Variants in SPDYE3 observed in about 807,000 individuals in gnomAD.
SPDYE3 encodes speedy/RINGO cell cycle regulator family member E3.
Under a neutral mutation model 55.0 loss-of-function variants are expected in SPDYE3, and 15 were observed. The ratio of observed to expected loss-of-function variants is 0.27; its 90% CI spans 0.18 to 0.42. The LOEUF (loss-of-function observed/expected upper bound fraction) is 0.42. Among genes scored for constraint, SPDYE3 ranks in the 10% least tolerant of loss-of-function variants. SPDYE3 has a pLI of 1.00. For missense variants in SPDYE3, 236 were observed against 576.7 expected (o/e 0.41, Z 6.05); for synonymous variants, 89 against 229.9 (o/e 0.39, Z 5.55).
At position 100,308,641 on chromosome 7, in the gene SPDYE3, G is replaced by A. The variant is rs190704188; in HGVS notation, c.107-333G>A. 8.8e-3 allele frequency among the ~76,000 whole-genome samples: 1,329 copies of A among 151,354 alleles called. 17 individuals carry two copies. The highest frequency in any genetic ancestry group is 0.014 in the Middle Eastern group (4 of 292). ...GGAGAATAACTGGAATCCGGGAGAT[G>A]GATGTTGCAGTGAGCTGAGATTGTA... On this transcript the variant is annotated intron_variant, in intron 1 of 10. Transcript: ENST00000332397.
chr7:100,319,758 T>C lies in SPDYE3; in HGVS notation c.1540T>C (p.Phe514Leu), dbSNP rs1303554614. 1.2e-6 allele frequency: 2 copies of C among 1,614,150 alleles called. No homozygotes were observed. The highest frequency in any genetic ancestry group is 1.3e-5 in the African/African-American group (1 of 75,028). ...ALFQKRRFQF[F>L]CSMRCRAWVS... ...GTTCCAGAAGCGTCGGTTCCAGTTCTTCTGTTCCATGCGCTGCAGGGCTTG... is the reference window on the plus strand; with the variant it reads ...GTTCCAGAAGCGTCGGTTCCAGTTCCTCTGTTCCATGCGCTGCAGGGCTTG... Residue 514 changes from phenylalanine to leucine, a missense_variant, in exon 9 of 11, where the codon TTC becomes CTC. Physicochemically the swap from Phe to Leu is conservative, Grantham distance 22 (BLOSUM62 0). Transcript: ENST00000332397.
At chr7:100,309,766 A>G (rs1474891474) in intron 2 of SPDYE3, among the ~76,000 whole-genome samples, 1 of 145,298 alleles carries the variant, frequency 6.9e-6, no homozygotes, top group Non-Finnish European at 1.5e-5. Context: ...GTCAGAGGTC[A>G]GGAAGGAGAA....
At chr7:100,317,226 C>G in intron 8 of SPDYE3, 71 bp downstream of exon 8, 3 of 1,462,122 alleles carry the variant, frequency 2.1e-6, no homozygotes, top group South Asian at 2.3e-5. Flanking sequence ...GGGATTCCAG[C>G]CTTTCATTTA....
At chr7:100,317,269 T>C in intron 8 of SPDYE3, 114 bp downstream of exon 8, 1 of 1,373,868 alleles carries the variant, frequency 7.3e-7, no homozygotes, top group Non-Finnish European at 1.0e-6. Flanking sequence ...TTACTCTGTG[T>C]ACAAAAAAGA....
At chr7:100,317,495 C>T (rs1278418960) in intron 8 of SPDYE3, among the ~76,000 whole-genome samples, 3 of 152,114 alleles carry the variant, frequency 2.0e-5, no homozygotes, top group Non-Finnish European at 4.4e-5. Context: ...ATCCAAGCTA[C>T]TTGGGAGGCT....
In SPDYE3 at chr7:100,307,877, G is replaced by A; in HGVS notation, c.-9G>A. ...CTTCGGTGAGATTGGACAGATTTTGGGAAAGATCATGACGAGCCATCAACC... is the reference window on the plus strand; with the variant it reads ...CTTCGGTGAGATTGGACAGATTTTGAGAAAGATCATGACGAGCCATCAACC... On this transcript the variant is annotated 5_prime_UTR_variant, in exon 1 of 11. Coordinates refer to ENST00000332397, the MANE Select transcript of SPDYE3 (RefSeq NM_001004351.5). The A allele has an allele frequency of 6.3e-7, 1 of 1,576,338 alleles. No homozygotes were observed. The highest frequency in any genetic ancestry group is 8.5e-7 in the Non-Finnish European group (1 of 1,169,592).
In SPDYE3 at chr7:100,321,576, A is replaced by G. The variant is rs1289144133; in HGVS notation, c.*731A>G. On this transcript the variant is annotated 3_prime_UTR_variant, in exon 11 of 11. Coordinates refer to ENST00000332397, the MANE Select transcript of SPDYE3 (RefSeq NM_001004351.5). ...TATTATATGTGCTCCTGAAGCGAGC[A>G]CTCTTTTTATCTATGATACTTCCAT... is the stretch of plus-strand genomic sequence containing the variant. The G allele has an allele frequency of 8.5e-5, 13 of 152,324 alleles. No homozygotes were observed. The highest frequency in any genetic ancestry group is 7.8e-4 in the Admixed American group (12 of 15,368). The allele number at this position is 152,324 out of a possible 1,614,324, so 9.4% of individuals were successfully genotyped here. A position where few individuals can be genotyped will look rare whatever the true frequency, so the allele number is the denominator to read the frequency against.
intron 1 of SPDYE3, among the ~76,000 whole-genome samples, 184 bp downstream of exon 1, chr7:100,308,175 C>CA (rs1220825645): frequency 2.0e-5 from 3 of 151,024 alleles, no homozygotes; most frequent in Non-Finnish European, 4.4e-5. Flanking sequence ...ACTAAAAGTA[C>CA]AAAAATTAGC....
At position 100,319,734 on chromosome 7, in the gene SPDYE3, T is replaced by C. The variant is rs774851916; in HGVS notation, c.1516T>C (p.Phe506Leu). The change falls in exon 9 of 11, where the codon TTC becomes CTC. Residue 506 changes from phenylalanine to leucine, a missense_variant. Phe to Leu is a conservative substitution (Grantham distance 22, BLOSUM62 0). Transcript: ENST00000332397. ...ARKNCSQIAL[F>L]QKRRFQFFCS... The stretch of plus-strand genomic sequence containing the variant: ...GAAGAACTGCTCTCAGATAGCCTTG[T>C]TCCAGAAGCGTCGGTTCCAGTTCTT... 16 of 1,614,114 alleles carry C rather than the reference T, an allele frequency of 9.9e-6. No individual in the cohort carries two copies. The highest frequency in any genetic ancestry group is 1.3e-5 in the African/African-American group (1 of 74,950).
At chr7:100,318,157 G>A (rs973082949) in intron 8 of SPDYE3, among the ~76,000 whole-genome samples, 6 of 151,978 alleles carry the variant, frequency 3.9e-5, no homozygotes, top group Non-Finnish European at 5.9e-5. Flanking sequence ...CTGGGTTCCC[G>A]TGACAGAGGT....
chr7:100,318,844 T>C (rs1178250222), intron 8 of SPDYE3, among the ~76,000 whole-genome samples: 5 of 151,620 alleles, frequency 3.3e-5, no homozygotes, highest in Non-Finnish European at 5.9e-5. Context: ...CCTCAGCCTC[T>C]TGATTAGCTC....
Position 100,315,673 on chromosome 7 carries a change from C to A in SPDYE3, c.1202-112C>A, listed in dbSNP as rs1188065422. 3.2e-6 allele frequency: 5 copies of A among 1,548,040 alleles called. No individual in the cohort carries two copies. The African/African-American group carries it at 5.4e-5, about 17-fold the overall frequency. ...TCCCCTCTCCCATCCACCTCACCCGCGGCCACAATCCTGAGACTTTCCCCC... is the reference window on the plus strand; with the variant it reads ...TCCCCTCTCCCATCCACCTCACCCGAGGCCACAATCCTGAGACTTTCCCCC... On this transcript the variant is annotated intron_variant, in intron 6 of 10. Transcript: ENST00000332397.
chr7:100,316,898 C>A (rs550245336), intron 7 of SPDYE3, among the ~76,000 whole-genome samples, 172 bp from the exon 8 acceptor site: 3 of 152,162 alleles, frequency 2.0e-5, no homozygotes, highest in Non-Finnish European at 4.4e-5. Flanking sequence ...GATTTGCATC[C>A]GACCTTCGAA....
At position 100,315,676 on chromosome 7, in the gene SPDYE3, C is replaced by G; in HGVS notation, c.1202-109C>G. The G allele has an allele frequency of 3.2e-6, 5 of 1,564,888 alleles. No homozygotes were observed. The South Asian group carries it at 5.5e-5, about 17-fold the overall frequency. The stretch of plus-strand genomic sequence containing the variant: ...CCTCTCCCATCCACCTCACCCGCGG[C>G]CACAATCCTGAGACTTTCCCCCGGG... On this transcript the variant is annotated intron_variant, in intron 6 of 10. Coordinates refer to ENST00000332397, the MANE Select transcript of SPDYE3 (RefSeq NM_001004351.5).
chr7:100,307,958 G>A lies in SPDYE3; in HGVS notation c.73G>A (p.Glu25Lys), dbSNP rs764823323. 21 of 1,566,646 alleles carry A rather than the reference G, an allele frequency of 1.3e-5. No individual in the cohort carries two copies. Among genetic ancestry groups the A allele is most frequent in the Non-Finnish European group, 1.7e-5 (20 of 1,164,754 alleles). Residue 25 changes from glutamate to lysine, a missense_variant, in exon 1 of 11, where the codon GAG (glutamate) becomes AAG (lysine). Physicochemically the swap from Glu to Lys is moderately conservative, Grantham distance 56. Coordinates refer to ENST00000332397, the MANE Select transcript of SPDYE3 (RefSeq NM_001004351.5). ...GAGCACCTCAGGGTACCCCCTCCAG[G>A]AGGTGGTGGATGATGAAGTGTCGGG... ...QRSTSGYPLQ[E>K]VVDDEVSGPS...
intron 8 of SPDYE3, among the ~76,000 whole-genome samples, chr7:100,317,371 C>T (rs766600661): frequency 5.3e-4 from 80 of 152,214 alleles, no homozygotes; most frequent in African/African-American, 1.9e-3. Context: ...TTTGGGAGGC[C>T]GAGGCAAGCG....
At position 100,319,766 on chromosome 7, in the gene SPDYE3, C is replaced by T; in HGVS notation, c.1548C>T (p.Ser516=). The change falls in exon 9 of 11, where the codon TCC becomes TCT. Residue 516 remains serine, a synonymous_variant. Coordinates refer to ENST00000332397, the MANE Select transcript of SPDYE3 (RefSeq NM_001004351.5). The part of the protein sequence containing the change: ...FQKRRFQFFC[S]MRCRAWVSPE... ...AGCGTCGGTTCCAGTTCTTCTGTTC[C>T]ATGCGCTGCAGGGCTTGGGTTTCCC... 6.2e-7 allele frequency: 1 copy of T among 1,614,062 alleles called. No homozygotes were observed. Among genetic ancestry groups the T allele is most frequent in the Non-Finnish European group, 8.5e-7 (1 of 1,179,996 alleles).
chr7:100,320,330 A>C, intron 10 of SPDYE3: 1 of 1,082,264 alleles, frequency 9.2e-7, no homozygotes, highest in Non-Finnish European at 1.2e-6. Flanking sequence ...AAATAATCAT[A>C]AATACTGAGT....
rs1381341219 is a variant in SPDYE3 at position 100,309,139 on chromosome 7, G to T, written c.272G>T (p.Arg91Leu). The stretch of plus-strand genomic sequence containing the variant: ...GGCCTCAAGATGAAGGCGAAGCGAC[G>T]GCGAGTGTCGCTCGTGCTCCCTGAG... ...LCGLKMKAKR[R>L]RVSLVLPEYY... is the part of the protein sequence containing the mutation. The change falls in exon 2 of 11, where the codon CGG becomes CTG. Residue 91 changes from arginine to leucine, a missense_variant. Physicochemically the swap from Arg to Leu is moderately radical, Grantham distance 102. Transcript: ENST00000332397. The T allele has an allele frequency of 2.0e-5, 10 of 500,180 alleles. No homozygotes were observed. In the Admixed American group the frequency reaches 3.5e-4, roughly 17 times the overall value. The allele number at this position is 500,180 out of a possible 1,614,324, so 31.0% of individuals were successfully genotyped here.
Sources: allele counts gnomAD v4.1 joint callset (sites outside exome capture counted in the v4.1 genomes callset), GRCh38; gene constraint gnomAD v4.1.1; transcripts MANE v1.5; gene names NCBI Gene and HGNC (gene_info 2026-07-23, HGNC 2026-07-21).